Variants in KCNE1 observed in about 807,000 individuals in gnomAD.
KCNE1 encodes the protein potassium voltage-gated channel subfamily E member 1.
KCNE1 carries 1 observed loss-of-function variant against 2.9 expected under a neutral mutation model. The ratio of observed to expected loss-of-function variants is 0.34; its 90% CI spans 0.12 to 1.62. The LOEUF is 1.62. KCNE1 is among the 40% of genes most tolerant of loss of function. KCNE1 has a pLI of 0.36. For missense variants in KCNE1, 45 were observed against 150.5 expected (o/e 0.30, Z 3.67); for synonymous variants, 23 against 65.4 (o/e 0.35, Z 3.13).
rs1983829305 is a variant in KCNE1, at chr21:34,511,275, C to T, written c.-336G>A. 2.0e-6 allele frequency: 2 copies of T among 985,370 alleles called. No homozygotes were observed. Among genetic ancestry groups the T allele is most frequent in the East Asian group, 2.3e-4 (2 of 8,824 alleles). 61.0% of individuals were successfully genotyped at this position (985,370 alleles called of 1,614,324 possible). On this transcript the variant is annotated 5_prime_UTR_variant, in exon 2 of 4. Coordinates refer to ENST00000399286, the MANE Select transcript of KCNE1 (RefSeq NM_000219.6). ...GAGCTCCAGGCCATGCCATTCAACG[C>T]CCTCCAGGACAGGCCGAAGGGCTTG...
intron 1 of KCNE1, among the ~76,000 whole-genome samples, chr21:34,511,727 G>C (rs575307603): frequency 1.3e-5 from 2 of 152,356 alleles, no homozygotes; most frequent in African/African-American, 4.8e-5. Context: ...TAGAGGTCTG[G>C]CCTTCTGGAT....
Position 34,496,264 on chromosome 21 carries a change from AG to A in KCNE1, c.-162+14836del, listed in dbSNP as rs1982800198. ...AATTTTTTCTATTTTTAGTAGAGACAGGGTTTCACCGTGTTAGCCAGGATGG... is the reference window on the plus strand; with the variant it reads ...AATTTTTTCTATTTTTAGTAGAGACAGGTTTCACCGTGTTAGCCAGGATGG... On this transcript the variant is annotated intron_variant, in intron 2 of 3. Coordinates refer to ENST00000399286, the MANE Select transcript of KCNE1 (RefSeq NM_000219.6). 4.6e-5 allele frequency among the ~76,000 whole-genome samples: 7 copies of A among 152,124 alleles called. 1 individual carries two copies. The South Asian group carries it at 1.5e-3, about 32-fold the overall frequency.
At chr21:34,496,200 A>C (rs1982795669) in intron 2 of KCNE1, among the ~76,000 whole-genome samples, 1 of 151,948 alleles carries the variant, frequency 6.6e-6, no homozygotes, top group African/African-American at 2.4e-5. Context: ...CAGCTTCCTG[A>C]GTAGCTGAGA....
At chr21:34,496,985 G>T (rs184851195) in intron 2 of KCNE1, among the ~76,000 whole-genome samples, 1 of 152,232 alleles carries the variant, frequency 6.6e-6, no homozygotes, top group East Asian at 1.9e-4. Context: ...AGCTACTCCT[G>T]CTTGCTTTTG....
intron 2 of KCNE1, 120 bp downstream of exon 2, chr21:34,510,980 AC>A (rs1293912017): frequency 1.4e-5 from 3 of 221,198 alleles, no homozygotes; most frequent in Non-Finnish European, 2.3e-5. Context: ...CAGGCCCAGG[AC>A]AGCCTGGCAC....
In KCNE1 at chr21:34,499,858, T is replaced by C. The variant is rs78331257; in HGVS notation, c.-162+11243A>G. On this transcript the variant is annotated intron_variant, in intron 2 of 3. Coordinates refer to ENST00000399286, the MANE Select transcript of KCNE1 (RefSeq NM_000219.6). ...TGGTTTTCCTGGTACGTTCCTGTGGTCGTTCTTAGAACAAAAGTTCATGCT... is the reference window on the plus strand; with the variant it reads ...TGGTTTTCCTGGTACGTTCCTGTGGCCGTTCTTAGAACAAAAGTTCATGCT... Among the ~76,000 whole-genome samples the C allele has an allele frequency of 7.9e-3, 1,197 of 152,336 alleles. 20 individuals carry two copies. The highest frequency in any genetic ancestry group is 0.027 in the African/African-American group (1,130 of 41,564).
At chr21:34,500,804 G>A (rs562980849) in intron 2 of KCNE1, among the ~76,000 whole-genome samples, 1 of 152,092 alleles carries the variant, frequency 6.6e-6, no homozygotes, top group Non-Finnish European at 1.5e-5. Context: ...TTAATGGCAG[G>A]CATTTTTTAT....
At chr21:34,508,342 T>TTTTA (rs1369086975) in intron 2 of KCNE1, among the ~76,000 whole-genome samples, 6 of 151,820 alleles carry the variant, frequency 4.0e-5, no homozygotes, top group Non-Finnish European at 5.9e-5. Context: ...TTATATTTTA[T>TTTTA]TTTATTTATT....
At chr21:34,510,999 T>C in intron 2 of KCNE1, 102 bp downstream of exon 2, 3 of 299,080 alleles carry the variant, frequency 1.0e-5, no homozygotes, top group Non-Finnish European at 1.5e-5. Flanking sequence ...CACCTGTCAA[T>C]GGATGAGCGC....
At chr21:34,499,548 G>A (rs1021830813) in intron 2 of KCNE1, among the ~76,000 whole-genome samples, 2 of 152,244 alleles carry the variant, frequency 1.3e-5, no homozygotes, top group Admixed American at 1.3e-4. Context: ...GTGAGATAGA[G>A]TCAGAGATGG....
At position 34,511,163 on chromosome 21, in the gene KCNE1, C is replaced by T; in HGVS notation, c.-224G>A. ...GTGTCCACACCATTGGCAGCAGGCT[C>T]CTTCTCTTCAGGTGGTCTTAGGAAC... On this transcript the variant is annotated 5_prime_UTR_variant, in exon 2 of 4. Transcript: ENST00000399286. The T allele has an allele frequency of 1.0e-6, 1 of 985,740 alleles. No homozygotes were observed. The highest frequency in any genetic ancestry group is 1.2e-6 in the Non-Finnish European group (1 of 830,180). 61.1% of individuals were successfully genotyped at this position (985,740 alleles called of 1,614,324 possible). A position where few individuals can be genotyped will look rare whatever the true frequency, so the allele number is the denominator to read the frequency against.
chr21:34,504,939 A>C (rs193301472), intron 2 of KCNE1, among the ~76,000 whole-genome samples: 3 of 152,256 alleles, frequency 2.0e-5, no homozygotes, highest in Non-Finnish European at 4.4e-5. Context: ...TGACAGCTAA[A>C]GGGTTTGGAG....
intron 2 of KCNE1, among the ~76,000 whole-genome samples, chr21:34,498,278 A>G (rs1435171716): frequency 2.0e-5 from 3 of 152,198 alleles, no homozygotes; most frequent in Non-Finnish European, 2.9e-5. Flanking sequence ...TATTACCAGA[A>G]TTAATTTTCA....
intron 2 of KCNE1, among the ~76,000 whole-genome samples, chr21:34,501,503 A>G (rs988465448): frequency 6.6e-6 from 1 of 152,224 alleles, no homozygotes; most frequent in Non-Finnish European, 1.5e-5. Flanking sequence ...CTATTATTTT[A>G]GAAGTAGATG....
At chr21:34,504,600 A>T (rs891095942) in intron 2 of KCNE1, among the ~76,000 whole-genome samples, 8 of 152,244 alleles carry the variant, frequency 5.3e-5, no homozygotes, top group African/African-American at 1.9e-4. Flanking sequence ...GTCCACATGG[A>T]CACTTGGACA....
chr21:34,496,209 G>A (rs1982796204), intron 2 of KCNE1, among the ~76,000 whole-genome samples: 1 of 152,032 alleles, frequency 6.6e-6, no homozygotes, highest in Non-Finnish European at 1.5e-5. Flanking sequence ...GAGTAGCTGA[G>A]ACTACAGGCG....
intron 2 of KCNE1, among the ~76,000 whole-genome samples, chr21:34,501,653 C>T (rs543009605): frequency 2.6e-5 from 4 of 152,006 alleles, no homozygotes; most frequent in Non-Finnish European, 4.4e-5. Context: ...GGTTGGTTAG[C>T]GTATGGGAGA....
chr21:34,498,794 G>A (rs767231003), intron 2 of KCNE1, among the ~76,000 whole-genome samples: 5 of 152,216 alleles, frequency 3.3e-5, no homozygotes, highest in South Asian at 4.1e-4. Context: ...GGGTTATTCC[G>A]TCATGAGTTG....
intron 2 of KCNE1, among the ~76,000 whole-genome samples, chr21:34,501,361 A>T (rs1016543355): frequency 1.3e-5 from 2 of 152,226 alleles, no homozygotes; most frequent in Non-Finnish European, 2.9e-5. Flanking sequence ...GATGACAGGC[A>T]ACTCTTCTAG....
Sources: gnomAD v4.1 joint callset for allele counts (sites outside exome capture counted in the v4.1 genomes callset) on GRCh38, gnomAD v4.1.1 for gene constraint, MANE v1.5 for transcripts, NCBI Gene and HGNC (gene_info 2026-07-23, HGNC 2026-07-21) for gene names.